The following DYNC1I1 variants were observed in gnomAD, a reference collection of about 807,000 sequenced individuals.
The protein encoded by DYNC1I1 is cytoplasmic dynein 1 intermediate chain 1.
Under a neutral mutation model 86.6 loss-of-function variants are expected in DYNC1I1, and 43 were observed. That is an observed-to-expected ratio of 0.50 (90% CI 0.39 to 0.64). The LOEUF (loss-of-function observed/expected upper bound fraction) is 0.64, where lower values mean the gene tolerates loss of function less well. Ranked by LOEUF, DYNC1I1 falls within the 30% of genes least tolerant of loss-of-function variation. The probability of loss-of-function intolerance (pLI) is 0.00; values close to 1 mark genes in which losing one functional copy is unlikely to be tolerated. For synonymous variants in DYNC1I1, 262 were observed against 283.7 expected (o/e 0.92, Z 0.77); for missense variants, 604 against 788.8 (o/e 0.77, Z 2.81).
At chr7:95,933,782 C>T (rs1036293719) in intron 6 of DYNC1I1, among the ~76,000 whole-genome samples, 1 of 152,060 alleles carries the variant, frequency 6.6e-6, no homozygotes, top group African/African-American at 2.4e-5. Context: ...TTGAGACACC[C>T]GCCTTTCAGT....
intron 16 of DYNC1I1, among the ~76,000 whole-genome samples, chr7:96,092,985 CA>C (rs1488626109): frequency 6.6e-6 from 1 of 152,096 alleles, no homozygotes; most frequent in African/African-American, 2.4e-5. Context: ...TGGTCTTTAG[CA>C]AATCATTTAG....
At chr7:95,975,069 TTC>T (rs1315851870) in intron 6 of DYNC1I1, among the ~76,000 whole-genome samples, 1 of 152,154 alleles carries the variant, frequency 6.6e-6, no homozygotes, top group Non-Finnish European at 1.5e-5. Context: ...GGGGAAATTA[TTC>T]TGTCTTCTCA....
chr7:96,014,801 A>C (rs1465186059), intron 10 of DYNC1I1, among the ~76,000 whole-genome samples: 1 of 152,202 alleles, frequency 6.6e-6, no homozygotes, highest in African/African-American at 2.4e-5. Flanking sequence ...TCACACTGAT[A>C]TTCATAGATT....
intron 1 of DYNC1I1, among the ~76,000 whole-genome samples, chr7:95,794,690 C>A (rs1176883003): frequency 2.0e-5 from 3 of 152,110 alleles, no homozygotes; most frequent in African/African-American, 7.2e-5. Context: ...ATTGCCAATG[C>A]TCAAGTTACA....
chr7:96,071,998 C>T (rs997624328), intron 14 of DYNC1I1, among the ~76,000 whole-genome samples: 1 of 152,194 alleles, frequency 6.6e-6, no homozygotes, highest in African/African-American at 2.4e-5. Context: ...TCCAGCTTTA[C>T]CACTTAACAA....
At chr7:95,827,918 G>A in intron 4 of DYNC1I1, 139 bp from the exon 5 acceptor site, 1 of 721,508 alleles carries the variant, frequency 1.4e-6, no homozygotes, top group South Asian at 1.9e-5. Context: ...ACTGGGGGTG[G>A]AGGGGATGGA....
chr7:95,887,987 C>T (rs1004242156), intron 6 of DYNC1I1, among the ~76,000 whole-genome samples: 1 of 152,186 alleles, frequency 6.6e-6, no homozygotes, highest in African/African-American at 2.4e-5. Flanking sequence ...TGATTTGACA[C>T]TGTTTACTGG....
chr7:95,931,208 CA>C (rs1333467530), intron 6 of DYNC1I1, among the ~76,000 whole-genome samples: 1 of 151,674 alleles, frequency 6.6e-6, no homozygotes, highest in Non-Finnish European at 1.5e-5. Flanking sequence ...TGCAGTGGCG[CA>C]ATCTCGGCTC....
intron 5 of DYNC1I1, among the ~76,000 whole-genome samples, chr7:95,835,555 T>C (rs1789059219): frequency 6.6e-6 from 1 of 151,460 alleles, no homozygotes; most frequent in Non-Finnish European, 1.5e-5. Context: ...TTGATCTGTC[T>C]AATGTTGACA....
downstream of DYNC1I1, among the ~76,000 whole-genome samples, chr7:96,102,320 A>G (rs976314651): frequency 5.9e-5 from 9 of 152,362 alleles, no homozygotes; most frequent in East Asian, 1.7e-3. Flanking sequence ...TATCACACAG[A>G]CTATGCAGAA....
At chr7:95,893,794 T>C (rs777964715) in intron 6 of DYNC1I1, among the ~76,000 whole-genome samples, 4 of 152,152 alleles carry the variant, frequency 2.6e-5, no homozygotes, top group Admixed American at 6.6e-5. Flanking sequence ...ATATAGTTAA[T>C]ATAGACAGAT....
intron 1 of DYNC1I1, among the ~76,000 whole-genome samples, chr7:95,785,775 G>GTA (rs200152096): frequency 0.022 from 2,757 of 123,216 alleles, 33 homozygotes; most frequent in Non-Finnish European, 0.035. Flanking sequence ...GTGTGTATGT[G>GTA]TATATATATA....
chr7:96,103,551 T>C (rs1791167802), intron 16 of DYNC1I1, among the ~76,000 whole-genome samples: 1 of 152,120 alleles, frequency 6.6e-6, no homozygotes, highest in Non-Finnish European at 1.5e-5. Flanking sequence ...AGCATACCAA[T>C]GGCTTTCACA....
intron 14 of DYNC1I1, among the ~76,000 whole-genome samples, chr7:96,074,443 C>T (rs1051406833): frequency 1.3e-5 from 2 of 149,062 alleles, no homozygotes; most frequent in Non-Finnish European, 3.0e-5. Flanking sequence ...CCCAGCTACT[C>T]GGGAGGCTGA....
chr7:95,910,548 C>A (rs1406603394), intron 6 of DYNC1I1, among the ~76,000 whole-genome samples: 1 of 152,120 alleles, frequency 6.6e-6, no homozygotes, highest in Non-Finnish European at 1.5e-5. Flanking sequence ...GACAGGGCCT[C>A]CTGGGCATTA....
At chr7:95,806,045 G>T (rs916256689) in intron 2 of DYNC1I1, among the ~76,000 whole-genome samples, 10 of 152,166 alleles carry the variant, frequency 6.6e-5, no homozygotes, top group Admixed American at 3.9e-4. Flanking sequence ...CACACATAAT[G>T]TTTTTTCCCT....
intron 9 of DYNC1I1, among the ~76,000 whole-genome samples, chr7:95,987,848 G>C (rs967943569): frequency 6.6e-6 from 1 of 152,098 alleles, no homozygotes; most frequent in Non-Finnish European, 1.5e-5. Context: ...TATATGATCT[G>C]TATGTTAAAG....
At chr7:95,876,772 C>T (rs1228818045) in intron 6 of DYNC1I1, among the ~76,000 whole-genome samples, 1 of 151,996 alleles carries the variant, frequency 6.6e-6, no homozygotes, top group Non-Finnish European at 1.5e-5. Context: ...ACTTAAGAAA[C>T]ATCTAAGGTT....
intron 10 of DYNC1I1, among the ~76,000 whole-genome samples, chr7:96,014,625 C>A (rs895862008): frequency 6.6e-6 from 1 of 152,156 alleles, no homozygotes; most frequent in African/African-American, 2.4e-5. Context: ...AAGCACATAA[C>A]TTTCTGTGTG....
Sources: allele counts gnomAD v4.1 joint callset (sites outside exome capture counted in the v4.1 genomes callset), GRCh38; gene constraint gnomAD v4.1.1; transcripts MANE v1.5; gene names NCBI Gene and HGNC (gene_info 2026-07-23, HGNC 2026-07-21).